RYR3: variants seen among roughly 807,000 people sequenced by gnomAD.
The protein encoded by RYR3 is brain ryanodine receptor-calcium release channel.
A neutral mutation model predicts 584.3 loss-of-function variants in RYR3; 207 were observed. That is an observed-to-expected ratio of 0.35 (90% CI 0.32 to 0.40). The LOEUF is 0.40. RYR3 is among the 10% of genes least tolerant of loss of function. The pLI, the probability that RYR3 is intolerant of heterozygous loss-of-function variation, is 1.00. For synonymous variants in RYR3, 2,416 were observed against 2,248.5 expected (o/e 1.07, Z -2.11); for missense variants, 5,616 against 6,089.2 (o/e 0.92, Z 2.59).
In RYR3 at chr15:33,862,377, T is replaced by A. The variant is rs1036559680; in HGVS notation, c.14465+1199T>A. Among the ~76,000 whole-genome samples the A allele has an allele frequency of 4.5e-3, 2 of 440 alleles. 1 individual carries two copies. The highest frequency in any genetic ancestry group is 0.5 in the South Asian group (2 of 4). 0.3% of individuals were successfully genotyped at this position (440 alleles called of 152,430 possible). A position where few individuals can be genotyped will look rare whatever the true frequency, so the allele number is the denominator to read the frequency against. ...TACCACTAATTTAGCACCAGCTAAT[T>A]TTTTTTTTTGGTAGAGAAGGGGCTT... On this transcript the variant is annotated intron_variant, in intron 102 of 103. Transcript: ENST00000634891.
At chr15:33,681,059 G>T (rs189986992) in intron 38 of RYR3, among the ~76,000 whole-genome samples, 86 of 152,316 alleles carry the variant, frequency 5.6e-4, no homozygotes, top group African/African-American at 2.0e-3. Flanking sequence ...AGAGCTCTGA[G>T]CCAGATTCAG....
At chr15:33,813,369 A>G (rs2076647657) in intron 73 of RYR3, 98 bp from the exon 74 acceptor site, 1 of 1,097,836 alleles carries the variant, frequency 9.1e-7, no homozygotes, top group African/African-American at 1.6e-5. Context: ...TGAGAAGCCA[A>G]AATTCTTCCA....
Position 33,728,961 on chromosome 15 carries a change from T to C in RYR3, c.7138T>C (p.Phe2380Leu). 4 of 1,613,970 alleles carry C rather than the reference T, an allele frequency of 2.5e-6. No homozygotes were observed. The highest frequency in any genetic ancestry group is 2.5e-6 in the Non-Finnish European group (3 of 1,179,882). Reference sequence around the variant, plus strand: ...CGTTTATGGCATTAAGGATCAAACTTTTCTGCTCCACTTGCTGGAGGTTGG... The same window carrying C: ...CGTTTATGGCATTAAGGATCAAACTCTTCTGCTCCACTTGCTGGAGGTTGG... ...DRVYGIKDQTFLLHLLEVGFL... is the reference protein window; with the variant it reads ...DRVYGIKDQTLLLHLLEVGFL... The change falls in exon 47 of 104, where the codon TTT becomes CTT. Residue 2380 changes from phenylalanine (F) to leucine (L), a missense_variant. By Grantham distance (22) the Phe-to-Leu change is conservative (BLOSUM62 0). Coordinates refer to ENST00000634891, the MANE Select transcript of RYR3 (RefSeq NM_001036.6).
intron 20 of RYR3, among the ~76,000 whole-genome samples, chr15:33,626,351 T>A (rs1179607637): frequency 6.6e-6 from 1 of 152,180 alleles, no homozygotes; most frequent in African/African-American, 2.4e-5. Context: ...TGGCGGCATT[T>A]TGGAACTTTG....
At chr15:33,808,947 C>T (rs2076357518) in intron 70 of RYR3, among the ~76,000 whole-genome samples, 1 of 152,186 alleles carries the variant, frequency 6.6e-6, no homozygotes, top group African/African-American at 2.4e-5. Context: ...GACTAGGGTT[C>T]TGCTGGCCAG....
chr15:33,463,403 T>A (rs1479492569), intron 1 of RYR3, among the ~76,000 whole-genome samples: 2 of 152,056 alleles, frequency 1.3e-5, no homozygotes, highest in Non-Finnish European at 2.9e-5. Flanking sequence ...GTGTTCTGAT[T>A]GGGTGGGAGA....
At chr15:33,733,258 A>G (rs1393259676) in intron 48 of RYR3, among the ~76,000 whole-genome samples, 1 of 152,230 alleles carries the variant, frequency 6.6e-6, no homozygotes, top group African/African-American at 2.4e-5. Flanking sequence ...TTTTTACCCA[A>G]ATGAGTTGGA....
chr15:33,643,930 G>T (rs998627051), intron 27 of RYR3, among the ~76,000 whole-genome samples: 7 of 152,114 alleles, frequency 4.6e-5, no homozygotes, highest in African/African-American at 9.7e-5. Context: ...ATTGTTTTGG[G>T]TAGTAGTTAA....
rs2046990021 is a variant in RYR3, at chr15:33,450,087, T to TAAAAAGA, written c.52-23327_52-23326insGAAAAAA. On this transcript the variant is annotated intron_variant, in intron 1 of 103. Coordinates refer to ENST00000634891, the MANE Select transcript of RYR3 (RefSeq NM_001036.6). ...TTACTGCGGCTAGAGCATTAATACCTAAAAAAAAAAAAAAAAAAAAAAAAG... is the reference window on the plus strand; with the variant it reads ...TTACTGCGGCTAGAGCATTAATACCTAAAAAGAAAAAAAAAAAAAAAAAAAAAAAAAG... Among the ~76,000 whole-genome samples, 2 of 67,340 alleles carry TAAAAAGA rather than the reference T, an allele frequency of 3.0e-5. 1 individual carries two copies. The highest frequency in any genetic ancestry group is 1.5e-3 in the South Asian group (2 of 1,308). The allele number at this position is 67,340 out of a possible 152,430, so 44.2% of individuals were successfully genotyped here.
At chr15:33,450,092 A>AAAAAAAC in intron 1 of RYR3, among the ~76,000 whole-genome samples, 1 of 114,556 alleles carries the variant, frequency 8.7e-6, no homozygotes, top group Non-Finnish European at 1.8e-5. Flanking sequence ...ATACCTAAAA[A>AAAAAAAC]AAAAAAAAAA....
intron 32 of RYR3, among the ~76,000 whole-genome samples, chr15:33,659,249 T>C (rs562016600): frequency 1.6e-4 from 24 of 152,334 alleles, no homozygotes; most frequent in African/African-American, 5.5e-4. Flanking sequence ...CTCCATGGGC[T>C]TGCTTGACTA....
intron 1 of RYR3, among the ~76,000 whole-genome samples, chr15:33,312,353 C>T (rs1207724406): frequency 7.6e-6 from 1 of 131,826 alleles, no homozygotes; most frequent in African/African-American, 3.1e-5. Flanking sequence ...GTTCTTTTGT[C>T]AAAGCTGGGA....
Position 33,757,495 on chromosome 15 carries a change from C to G in RYR3, c.8604C>G (p.Asp2868Glu). Reference protein sequence around the residue: ...FFAKVLLPLVDQYFTSHCLYF... With the variant: ...FFAKVLLPLVEQYFTSHCLYF... The stretch of plus-strand genomic sequence containing the variant: ...CCCAGGTTCTCCTCCCGCTGGTTGA[C>G]CAGTACTTCACCAGTCATTGCCTCT... Residue 2868 changes from aspartate to glutamate, a missense_variant, in exon 60 of 104, where the codon GAC becomes GAG. Around this residue, in one of 9 missense-constraint regions of RYR3, gnomAD observed 1,280 missense variants for 1,426.2 expected, o/e 0.90. Coordinates refer to ENST00000634891, the MANE Select transcript of RYR3 (RefSeq NM_001036.6). The G allele has an allele frequency of 6.2e-7, 1 of 1,608,790 alleles. No individual in the cohort carries two copies. The highest frequency in any genetic ancestry group is 1.3e-5 in the African/African-American group (1 of 74,974).
At chr15:33,506,154 G>A (rs1056781040) in intron 3 of RYR3, among the ~76,000 whole-genome samples, 4 of 152,096 alleles carry the variant, frequency 2.6e-5, no homozygotes, top group Non-Finnish European at 5.9e-5. Flanking sequence ...GTCTTAAGGG[G>A]AATAAGTAAT....
At chr15:33,740,068 A>C in intron 51 of RYR3, 73 bp downstream of exon 51, 1 of 1,336,936 alleles carries the variant, frequency 7.5e-7, no homozygotes, top group Non-Finnish European at 1.1e-6. Flanking sequence ...AGAGGGTAGC[A>C]AGAAATGTGA....
rs149852774 is a variant in RYR3, at chr15:33,456,466, T to C, written c.52-16953T>C. On this transcript the variant is annotated intron_variant, in intron 1 of 103. Coordinates refer to ENST00000634891, the MANE Select transcript of RYR3 (RefSeq NM_001036.6). ...CCTGCTGTGTGATTGGTTGCCCAGG[T>C]TATCTTTTGGTGCTTTGCATGTGAA... Among the ~76,000 whole-genome samples, 47 of 152,266 alleles carry C rather than the reference T, an allele frequency of 3.1e-4. No individual in the cohort carries two copies. In the East Asian group the frequency reaches 8.1e-3, roughly 26 times the overall value.
rs1276149318 is a variant in RYR3 at position 33,542,676 on chromosome 15, A to G, written c.647-946A>G. On this transcript the variant is annotated intron_variant, in intron 7 of 103. Transcript: ENST00000634891. Reference sequence around the variant, plus strand: ...TTGCTCATTCTTACTGTTTTAATCCAGCACCCAAAATAGTTTTAAGACAGC... The same window carrying G: ...TTGCTCATTCTTACTGTTTTAATCCGGCACCCAAAATAGTTTTAAGACAGC... Among the ~76,000 whole-genome samples, 3 of 152,164 alleles carry G rather than the reference A, an allele frequency of 2.0e-5. No individual in the cohort carries two copies. The South Asian group carries it at 6.2e-4, about 31-fold the overall frequency.
intron 16 of RYR3, among the ~76,000 whole-genome samples, chr15:33,598,480 A>G (rs2059497974): frequency 6.6e-6 from 1 of 152,128 alleles, no homozygotes; most frequent in Non-Finnish European, 1.5e-5. Context: ...ATTTCTGAGC[A>G]CTCTAAGTGT....
chr15:33,496,243 T>TATAG (rs2051410296), intron 2 of RYR3, among the ~76,000 whole-genome samples: 2 of 152,196 alleles, frequency 1.3e-5, no homozygotes, highest in Non-Finnish European at 2.9e-5. Flanking sequence ...ATGCAATGCA[T>TATAG]ATAGAAGCCA....
Sources: gnomAD v4.1 joint callset for allele counts (sites outside exome capture counted in the v4.1 genomes callset) on GRCh38, gnomAD v4.1.1 for gene constraint, gnomAD v4.1.1 regional missense constraint, MANE v1.5 for transcripts, NCBI Gene and HGNC (gene_info 2026-07-23, HGNC 2026-07-21) for gene names.